Variants in AKIRIN2 observed in about 807,000 individuals in gnomAD.
AKIRIN2 encodes the protein akirin 2, also known as akirin-2.
A neutral mutation model predicts 29.3 loss-of-function variants in AKIRIN2; 6 were observed. That is an observed-to-expected ratio of 0.20 (90% CI 0.11 to 0.40). The LOEUF is 0.40. Among genes scored for constraint, AKIRIN2 ranks in the 10% least tolerant of loss-of-function variants. The pLI, the probability that AKIRIN2 is intolerant of heterozygous loss-of-function variation, is 1.00. For missense variants in AKIRIN2, 210 were observed against 276.1 expected, an observed-to-expected ratio of 0.76 and a Z score of 1.70; for synonymous variants, 128 against 117.5, an observed-to-expected ratio of 1.09 and a Z score of -0.58.
At chr6:87,685,542 G>T (rs537936379) in intron 1 of AKIRIN2, among the ~76,000 whole-genome samples, 1 of 152,246 alleles carries the variant, frequency 6.6e-6, no homozygotes, top group African/African-American at 2.4e-5. Flanking sequence ...ACAATTTACA[G>T]TTCATTAAAG....
rs529248957 is a variant in AKIRIN2 at position 87,678,005 on chromosome 6, G to C, written c.380-38C>G. 2.0e-5 allele frequency: 31 copies of C among 1,580,728 alleles called. No homozygotes were observed. In the Middle Eastern group the frequency reaches 5.6e-4, roughly 28 times the overall value. On this transcript the variant is annotated intron_variant, in intron 2 of 4. Coordinates refer to ENST00000257787, the MANE Select transcript of AKIRIN2 (RefSeq NM_018064.4). The stretch of plus-strand genomic sequence containing the variant: ...AGGACAAAAAATAGCACCTGGTTTA[G>C]AGCCATGATATAAAGCAGTTTCTAA...
At chr6:87,697,518 G>A (rs553804887) in intron 1 of AKIRIN2, among the ~76,000 whole-genome samples, 1 of 152,150 alleles carries the variant, frequency 6.6e-6, no homozygotes, top group African/African-American at 2.4e-5. Context: ...GAAACTAGGA[G>A]CAACTTAACA....
chr6:87,701,943 A>AG lies in AKIRIN2; in HGVS notation c.-260dup, dbSNP rs573422358. 4.9e-6 allele frequency: 2 copies of AG among 405,396 alleles called. No individual in the cohort carries two copies. The highest frequency in any genetic ancestry group is 4.4e-5 in the Admixed American group (1 of 22,796). The allele number at this position is 405,396 out of a possible 1,614,324, so 25.1% of individuals were successfully genotyped here. On this transcript the variant is annotated 5_prime_UTR_variant, in exon 1 of 5. Coordinates refer to ENST00000257787, the MANE Select transcript of AKIRIN2 (RefSeq NM_018064.4). The stretch of plus-strand genomic sequence containing the variant: ...GGCAGAAGCACACGCCAGTCGCGTC[A>AG]GGGGGGTTCTTCCGCCTCCTCAGGC...
intron 1 of AKIRIN2, among the ~76,000 whole-genome samples, chr6:87,686,090 C>T (rs1743928937): frequency 6.6e-6 from 1 of 152,076 alleles, no homozygotes; most frequent in African/African-American, 2.4e-5. Flanking sequence ...TGGCGGGCCC[C>T]TGTAATCCCA....
chr6:87,688,652 A>T (rs1473157792), intron 1 of AKIRIN2, among the ~76,000 whole-genome samples: 1 of 152,126 alleles, frequency 6.6e-6, no homozygotes, highest in Non-Finnish European at 1.5e-5. Context: ...CGGGAGGCTG[A>T]GGTAGGAGAA....
In AKIRIN2 at chr6:87,679,915, A is replaced by G. The variant is rs577489891; in HGVS notation, c.379+1705T>C. 5.9e-5 allele frequency among the ~76,000 whole-genome samples: 9 copies of G among 152,360 alleles called. No individual in the cohort carries two copies. In the East Asian group the frequency reaches 1.3e-3, roughly 23 times the overall value. On this transcript the variant is annotated intron_variant, in intron 2 of 4. Coordinates refer to ENST00000257787, the MANE Select transcript of AKIRIN2 (RefSeq NM_018064.4). The stretch of plus-strand genomic sequence containing the variant: ...CTGTGAATTTGCCCTGGTACCACCA[A>G]TATTACTTACTCTCTTAACTTGCTC...
At chr6:87,695,029 T>C (rs1246192216) in intron 1 of AKIRIN2, among the ~76,000 whole-genome samples, 1 of 152,204 alleles carries the variant, frequency 6.6e-6, no homozygotes, top group African/African-American at 2.4e-5. Flanking sequence ...ATAATTCAAT[T>C]TCTTTGGAAA....
chr6:87,677,235 T>C (rs1771029885), intron 3 of AKIRIN2, among the ~76,000 whole-genome samples: 1 of 152,164 alleles, frequency 6.6e-6, no homozygotes, highest in African/African-American at 2.4e-5. Flanking sequence ...CCTGATCAAG[T>C]ATCACAGAAA....
chr6:87,680,954 A>G (rs1771110504), intron 2 of AKIRIN2, among the ~76,000 whole-genome samples: 1 of 152,158 alleles, frequency 6.6e-6, no homozygotes. Context: ...CTATACCAGC[A>G]AAACTTCTAA....
At chr6:87,675,794 T>C (rs918644962) in intron 4 of AKIRIN2, 66 bp downstream of exon 4, 11 of 1,504,930 alleles carry the variant, frequency 7.3e-6, no homozygotes, top group Middle Eastern at 1.7e-4. Context: ...TGAAAATAAT[T>C]ATAATGTCTT....
chr6:87,675,327 A>G lies in AKIRIN2; in HGVS notation c.*270T>C. On this transcript the variant is annotated 3_prime_UTR_variant, in exon 5 of 5. Transcript: ENST00000257787. Reference sequence around the variant, plus strand: ...AGAATACCAGCTTTAATCCTTTTCAAACATTAATATAAGAAGCCAAATTGT... The same window carrying G: ...AGAATACCAGCTTTAATCCTTTTCAGACATTAATATAAGAAGCCAAATTGT... 2.0e-6 allele frequency: 1 copy of G among 502,684 alleles called. No homozygotes were observed. Among genetic ancestry groups the G allele is most frequent in the Non-Finnish European group, 3.6e-6 (1 of 280,972 alleles). The allele number at this position is 502,684 out of a possible 1,614,324, so 31.1% of individuals were successfully genotyped here. A position where few individuals can be genotyped will look rare whatever the true frequency, so the allele number is the denominator to read the frequency against.
At chr6:87,697,172 G>A (rs1771383600) in intron 1 of AKIRIN2, among the ~76,000 whole-genome samples, 1 of 151,958 alleles carries the variant, frequency 6.6e-6, no homozygotes, top group South Asian at 2.1e-4. Flanking sequence ...AATCAGCCAG[G>A]TGTGGTGGCG....
intron 1 of AKIRIN2, among the ~76,000 whole-genome samples, chr6:87,687,473 G>A (rs1771207786): frequency 6.8e-6 from 1 of 147,962 alleles, no homozygotes; most frequent in South Asian, 2.1e-4. Flanking sequence ...ACTTGGAGTT[G>A]CTATGGAGAC....
chr6:87,701,480 A>C lies in AKIRIN2; in HGVS notation c.205T>G (p.Phe69Val), dbSNP rs776244804. ...GTGAGGCGGGAGGAGACGTCGCCGA[A>C]GGGGGATGGCTCCATTCGGAGATAC... ...QKYLRMEPSP[F>V]GDVSSRLTTE... is the part of the protein sequence containing the mutation. The change falls in exon 1 of 5, where the codon TTC becomes GTC. Residue 69 changes from phenylalanine to valine, a missense_variant. Phe to Val is a conservative substitution (Grantham distance 50). Coordinates refer to ENST00000257787, the MANE Select transcript of AKIRIN2 (RefSeq NM_018064.4). 6.6e-7 allele frequency: 1 copy of C among 1,515,468 alleles called. No individual in the cohort carries two copies. The highest frequency in any genetic ancestry group is 1.2e-5 in the South Asian group (1 of 81,920). The allele number at this position is 1,515,468 out of a possible 1,614,324, so 93.9% of individuals were successfully genotyped here.
Position 87,675,520 on chromosome 6 carries a change from T to C in AKIRIN2, c.*77A>G. ...GTATTCACAGAAGGGGTATTGGCAT[T>C]GCTGCATGTCATAATTGGGACCTCT... On this transcript the variant is annotated 3_prime_UTR_variant, in exon 5 of 5. Transcript: ENST00000257787. The C allele has an allele frequency of 6.4e-7, 1 of 1,570,178 alleles. No individual in the cohort carries two copies.
intron 1 of AKIRIN2, among the ~76,000 whole-genome samples, chr6:87,682,945 G>C (rs1047174112): frequency 4.6e-5 from 7 of 151,996 alleles, no homozygotes; most frequent in African/African-American, 1.7e-4. Flanking sequence ...AAAAAAGAAA[G>C]CTAAAGATTT....
intron 2 of AKIRIN2, among the ~76,000 whole-genome samples, chr6:87,679,864 G>A (rs932206104): frequency 6.6e-6 from 1 of 152,092 alleles, no homozygotes; most frequent in African/African-American, 2.4e-5. Context: ...TGCACCATTC[G>A]TTACCAATTG....
chr6:87,697,103 G>A (rs1447082895), intron 1 of AKIRIN2, among the ~76,000 whole-genome samples: 3 of 151,692 alleles, frequency 2.0e-5, no homozygotes, highest in Non-Finnish European at 4.4e-5. Flanking sequence ...GAAGTCAGGA[G>A]TTCAAGACCA....
At chr6:87,684,309 T>G (rs1293528563) in intron 1 of AKIRIN2, among the ~76,000 whole-genome samples, 1 of 152,186 alleles carries the variant, frequency 6.6e-6, no homozygotes, top group Non-Finnish European at 1.5e-5. Context: ...GTAAAACTTT[T>G]AAAAATTTTA....
Sources: gnomAD v4.1 joint callset for allele counts (sites outside exome capture counted in the v4.1 genomes callset) on GRCh38, gnomAD v4.1.1 for gene constraint, MANE v1.5 for transcripts, NCBI Gene and HGNC (gene_info 2026-07-23, HGNC 2026-07-21) for gene names.